KIF1A: variants seen among roughly 807,000 people sequenced by gnomAD.
The protein encoded by KIF1A is kinesin-like protein KIF1A.
In KIF1A, 46 loss-of-function variants were observed where a neutral mutation model predicts 227.3. The ratio of observed to expected loss-of-function variants is 0.20; its 90% CI spans 0.16 to 0.26. The LOEUF is 0.26. Among genes scored for constraint, KIF1A ranks in the 10% least tolerant of loss-of-function variants. The probability of loss-of-function intolerance (pLI) is 1.00; values close to 1 mark genes in which losing one functional copy is unlikely to be tolerated. For synonymous variants in KIF1A, 1,022 were observed against 1,012.8 expected, an observed-to-expected ratio of 1.01 and a Z score of -0.17; for missense variants, 1,683 against 2,485.9, an observed-to-expected ratio of 0.68 and a Z score of 6.87.
chr2:240,765,683 A>G, intron 20 of KIF1A, 27 bp downstream of exon 20: 1 of 1,581,958 alleles, frequency 6.3e-7, no homozygotes, highest in Non-Finnish European at 8.7e-7. Context: ...TGCCTACCTG[A>G]CTGGCCCCCG....
At chr2:240,780,788 A>G (rs2053586403) in intron 10 of KIF1A, among the ~76,000 whole-genome samples, 3 of 128,852 alleles carry the variant, frequency 2.3e-5, no homozygotes, top group African/African-American at 9.8e-5. Context: ...ACACACACAC[A>G]CACACAGCTC....
Position 240,793,538 on chromosome 2 carries a change from GGC to G in KIF1A, c.106+4107_106+4108del, listed in dbSNP as rs1326463023. 6.6e-6 allele frequency among the ~76,000 whole-genome samples: 1 copy of G among 152,068 alleles called. No homozygotes were observed. The highest frequency in any genetic ancestry group is 1.5e-5 in the Non-Finnish European group (1 of 68,018). On this transcript the variant is annotated intron_variant, in intron 2 of 48. Coordinates refer to ENST00000498729, the MANE Select transcript of KIF1A (RefSeq NM_001244008.2). This position sits in a 1 kb window ranked among gnomAD's most constrained non-coding sequence, Gnocchi z 4.8. ...GGCCCTCACGTCCTCCGGTCCTCAG[GGC>G]AGAGAATGTGAGGAGAGAGGAGGAG...
chr2:240,735,830 C>A (rs1322246912), intron 38 of KIF1A, among the ~76,000 whole-genome samples: 2 of 152,164 alleles, frequency 1.3e-5, no homozygotes, highest in African/African-American at 2.4e-5. Context: ...GACGTGCTCC[C>A]CCCTCATGGC....
rs1575522723 is a variant in KIF1A, at chr2:240,724,043, G to A, written c.4257-7C>T. 6.2e-7 allele frequency: 1 copy of A among 1,612,046 alleles called. No individual in the cohort carries two copies. The highest frequency in any genetic ancestry group is 2.2e-5 in the East Asian group (1 of 44,874). On this transcript the variant is annotated splice_polypyrimidine_tract_variant and splice_region_variant and intron_variant, in intron 40 of 48. Transcript: ENST00000498729. ...CACACCAGTCACACGGTTACTGTGG[G>A]GAGTAGAAGGAGTGACATGCAGTCA... is the stretch of plus-strand genomic sequence containing the variant.
intron 9 of KIF1A, among the ~76,000 whole-genome samples, 170 bp from the exon 10 acceptor site, chr2:240,782,777 C>T (rs1204756014): frequency 2.0e-5 from 3 of 152,192 alleles, no homozygotes; most frequent in Non-Finnish European, 4.4e-5. Flanking sequence ...CCAGGGCCGC[C>T]CTTCCCGGGC....
At chr2:240,779,142 ACAGTTCCACACAGTTCCACACT>A (rs2053196901) in intron 10 of KIF1A, among the ~76,000 whole-genome samples, 1 of 141,192 alleles carries the variant, frequency 7.1e-6, no homozygotes, top group East Asian at 2.1e-4. Context: ...TCAGTTCCTC[ACAGTTCCACACAGTTCCACACT>A]CAGTTCCACA....
intron 10 of KIF1A, among the ~76,000 whole-genome samples, chr2:240,780,203 C>T (rs969790078): frequency 6.6e-6 from 1 of 151,976 alleles, no homozygotes; most frequent in Non-Finnish European, 1.5e-5. Flanking sequence ...ACCCGCCTGG[C>T]CCCCCGCAGT....
chr2:240,798,272 G>A (rs1016637764), intron 1 of KIF1A, among the ~76,000 whole-genome samples: 24 of 152,214 alleles, frequency 1.6e-4, no homozygotes, highest in Non-Finnish European at 2.8e-4. Flanking sequence ...CACACCAAGC[G>A]CCAGCTGGTA....
At position 240,715,464 on chromosome 2, in the gene KIF1A, C is replaced by A. The variant is rs374914456; in HGVS notation, c.*1900G>T. 1 of 152,232 alleles carries A rather than the reference C, an allele frequency of 6.6e-6. No individual in the cohort carries two copies. Among genetic ancestry groups the A allele is most frequent in the Non-Finnish European group, 1.5e-5 (1 of 68,028 alleles). 9.4% of individuals were successfully genotyped at this position (152,232 alleles called of 1,614,324 possible). On this transcript the variant is annotated 3_prime_UTR_variant, in exon 49 of 49. Transcript: ENST00000498729. ...GGGATGAGGGTGGCGGTGGCCACACCGCACCTGAGCCCAGGTACGAAAAGG... is the reference window on the plus strand; with the variant it reads ...GGGATGAGGGTGGCGGTGGCCACACAGCACCTGAGCCCAGGTACGAAAAGG...
rs1457844443 is a variant in KIF1A at position 240,786,424 on chromosome 2, C to G, written c.519G>C (p.Leu173=). 1 of 1,613,678 alleles carries G rather than the reference C, an allele frequency of 6.2e-7. No homozygotes were observed. Among genetic ancestry groups the G allele is most frequent in the Admixed American group, 1.7e-5 (1 of 60,022 alleles). Residue 173 remains leucine (L), a synonymous_variant, in exon 6 of 49, where the codon CTG becomes CTC. Transcript: ENST00000498729. ...KGNLRVREHP[L]LGPYVEDLSK... ...AGAGGTCCTCCACGTAGGGCCCCAGCAGTGGGTGCTCCCTCACGCGAAGGT... is the reference window on the plus strand; with the variant it reads ...AGAGGTCCTCCACGTAGGGCCCCAGGAGTGGGTGCTCCCTCACGCGAAGGT...
intron 10 of KIF1A, among the ~76,000 whole-genome samples, chr2:240,781,485 ACAG>A (rs1559524459): frequency 1.8e-5 from 2 of 111,942 alleles, no homozygotes; most frequent in Non-Finnish European, 3.6e-5. Context: ...ACACACACAC[ACAG>A]CTCCACACAC....
Position 240,779,312 on chromosome 2 carries a change from T to C in KIF1A, c.882+3278A>G, listed in dbSNP as rs560479313. On this transcript the variant is annotated intron_variant, in intron 10 of 48. Coordinates refer to ENST00000498729, the MANE Select transcript of KIF1A (RefSeq NM_001244008.2). Reference sequence around the variant, plus strand: ...TCCTCATAGTTCCACACTCAGTTCCTCACTCACTTCCTCACTCAGTTCCTC... The same window carrying C: ...TCCTCATAGTTCCACACTCAGTTCCCCACTCACTTCCTCACTCAGTTCCTC... Among the ~76,000 whole-genome samples, 3 of 142,364 alleles carry C rather than the reference T, an allele frequency of 2.1e-5. No homozygotes were observed. In the South Asian group the frequency reaches 6.5e-4, roughly 31 times the overall value. The allele number at this position is 142,364 out of a possible 152,430, so 93.4% of individuals were successfully genotyped here.
chr2:240,807,138 A>G (rs1260047324), intron 1 of KIF1A, among the ~76,000 whole-genome samples: 7 of 149,706 alleles, frequency 4.7e-5, no homozygotes, highest in South Asian at 2.1e-4. Context: ...GTGTATATAT[A>G]TATATATATA....
In KIF1A at chr2:240,714,046, T is replaced by C. The variant is rs1481860944; in HGVS notation, c.*3318A>G. On this transcript the variant is annotated 3_prime_UTR_variant, in exon 49 of 49. Coordinates refer to ENST00000498729, the MANE Select transcript of KIF1A (RefSeq NM_001244008.2). ...CAGGTCGCCACAGCTGCTGTCCGTC[T>C]GGGGGACCGCACGGCCCGGCACCGG... 1 of 152,662 alleles carries C rather than the reference T, an allele frequency of 6.6e-6. No individual in the cohort carries two copies. The highest frequency in any genetic ancestry group is 2.4e-5 in the African/African-American group (1 of 41,460). 9.5% of individuals were successfully genotyped at this position (152,662 alleles called of 1,614,324 possible). A position where few individuals can be genotyped will look rare whatever the true frequency, so the allele number is the denominator to read the frequency against.
chr2:240,785,457 A>G (rs1477693540), intron 6 of KIF1A, among the ~76,000 whole-genome samples: 3 of 151,968 alleles, frequency 2.0e-5, no homozygotes, highest in Non-Finnish European at 4.4e-5. Context: ...TCCACTGTCC[A>G]CCCTACCACG....
At position 240,769,722 on chromosome 2, in the gene KIF1A, G is replaced by C; in HGVS notation, c.1342-16C>G. 1.9e-6 allele frequency: 3 copies of C among 1,608,778 alleles called. No homozygotes were observed. In the South Asian group the frequency reaches 3.3e-5, roughly 18 times the overall value. ...TCTCTGTTTCCTGGGGATTGAGGCA[G>C]AGCACAGTGAGCTGCCGGGGCTAGG... On this transcript the variant is annotated splice_polypyrimidine_tract_variant and intron_variant, in intron 15 of 48. Coordinates refer to ENST00000498729, the MANE Select transcript of KIF1A (RefSeq NM_001244008.2).
intron 14 of KIF1A, among the ~76,000 whole-genome samples, chr2:240,772,270 C>T (rs369879441): frequency 2.0e-5 from 3 of 152,164 alleles, no homozygotes; most frequent in Non-Finnish European, 2.9e-5. Context: ...GACCTGATCT[C>T]GGCCATGTTT....
At chr2:240,770,369 G>C (rs1365913855) in intron 15 of KIF1A, among the ~76,000 whole-genome samples, 1 of 152,124 alleles carries the variant, frequency 6.6e-6, no homozygotes, top group Non-Finnish European at 1.5e-5. Context: ...CAGGTGTGCA[G>C]GTGTGAACAC....
chr2:240,749,127 A>G (rs1483586486), intron 28 of KIF1A, among the ~76,000 whole-genome samples: 4 of 142,208 alleles, frequency 2.8e-5, no homozygotes, highest in Admixed American at 1.3e-4. Flanking sequence ...CTTTGTCCAA[A>G]AAAAAAAAAA....
Sources: allele counts gnomAD v4.1 joint callset (sites outside exome capture counted in the v4.1 genomes callset), GRCh38; gene constraint gnomAD v4.1.1; non-coding constraint Gnocchi (gnomAD v3.1); transcripts MANE v1.5; gene names NCBI Gene and HGNC (gene_info 2026-07-23, HGNC 2026-07-21).